Variants in SLC24A2 observed in about 807,000 individuals in gnomAD.
SLC24A2 encodes the protein sodium/potassium/calcium exchanger 2.
SLC24A2 carries 36 observed loss-of-function variants against 62.0 expected under a neutral mutation model. The ratio of observed to expected loss-of-function variants is 0.58; its 90% CI spans 0.44 to 0.77. The LOEUF (loss-of-function observed/expected upper bound fraction) is 0.77. SLC24A2 is among the 30% of genes least tolerant of loss of function. The pLI, the probability that SLC24A2 is intolerant of heterozygous loss-of-function variation, is 0.00. For synonymous variants in SLC24A2, 358 were observed against 294.0 expected (o/e 1.22, Z -2.23); for missense variants, 846 against 817.9 (o/e 1.03, Z -0.42).
the SLC24A2 span, among the ~76,000 whole-genome samples, chr9:20,268,004 G>A: frequency 2.9e-3 from 443 of 152,200 alleles, 4 homozygotes; most frequent in African/African-American, 0.01. Flanking sequence ...CCACCGTGAT[G>A]TTTCATGCAC....
intron 2 of SLC24A2, among the ~76,000 whole-genome samples, chr9:19,631,354 C>T (rs187565408): frequency 6.6e-6 from 1 of 152,244 alleles, no homozygotes; most frequent in African/African-American, 2.4e-5. Flanking sequence ...TCAGTCTCCT[C>T]CCAGGTATCT....
the SLC24A2 span, among the ~76,000 whole-genome samples, chr9:20,280,375 G>C: frequency 2.0e-5 from 3 of 152,162 alleles, no homozygotes; most frequent in African/African-American, 2.4e-5. Flanking sequence ...GATTGAAGCA[G>C]CTTCCATCTG....
rs373801727 is a variant in SLC24A2, at chr9:19,555,598, A to G, written c.1348-5330T>C. Among the ~76,000 whole-genome samples the G allele has an allele frequency of 1.1e-4, 16 of 152,364 alleles. No homozygotes were observed. The East Asian group carries it at 2.1e-3, about 20-fold the overall frequency. On this transcript the variant is annotated intron_variant, in intron 7 of 10. Coordinates refer to ENST00000341998, the MANE Select transcript of SLC24A2 (RefSeq NM_020344.4). Reference sequence around the variant, plus strand: ...AGGTGAGGCAGGCGTAAATAAAAAAAGTAACATTCTTCAGTGGTGTAATAG... The same window carrying G: ...AGGTGAGGCAGGCGTAAATAAAAAAGGTAACATTCTTCAGTGGTGTAATAG...
the SLC24A2 span, among the ~76,000 whole-genome samples, chr9:20,189,148 T>C: frequency 8.6e-5 from 13 of 150,882 alleles, no homozygotes; most frequent in South Asian, 1.1e-3. Context: ...CTTCGGGATG[T>C]TGGTTGGGAA....
chr9:20,034,940 T>C, the SLC24A2 span, among the ~76,000 whole-genome samples: 10 of 152,178 alleles, frequency 6.6e-5, no homozygotes, highest in African/African-American at 2.4e-4. Context: ...ATTTCCTCTA[T>C]AGGAATGTCA....
At chr9:20,087,482 A>G in the SLC24A2 span, among the ~76,000 whole-genome samples, 1 of 152,312 alleles carries the variant, frequency 6.6e-6, no homozygotes, top group East Asian at 1.9e-4. Context: ...CTCAAGAAAT[A>G]ATTTGTGTAA....
intron 2 of SLC24A2, among the ~76,000 whole-genome samples, chr9:19,759,975 T>C (rs1046031617): frequency 6.6e-6 from 1 of 152,220 alleles, no homozygotes; most frequent in Non-Finnish European, 1.5e-5. Flanking sequence ...GCAGTACAGA[T>C]TTTGGTAATT....
chr9:20,230,223 T>A, the SLC24A2 span, among the ~76,000 whole-genome samples: 2 of 152,094 alleles, frequency 1.3e-5, no homozygotes, highest in Non-Finnish European at 2.9e-5. Flanking sequence ...TAGCACCATG[T>A]TTTATAATCC....
At chr9:19,666,212 G>A (rs957464960) in intron 2 of SLC24A2, among the ~76,000 whole-genome samples, 5 of 151,942 alleles carry the variant, frequency 3.3e-5, no homozygotes, top group African/African-American at 9.7e-5. Context: ...TGAGATCAGC[G>A]TGGGCAACAT....
the SLC24A2 span, among the ~76,000 whole-genome samples, chr9:20,144,493 G>A: frequency 1.3e-5 from 2 of 152,092 alleles, no homozygotes; most frequent in Non-Finnish European, 2.9e-5. Flanking sequence ...TTAGACTCCC[G>A]TAAAGCCTCT....
the SLC24A2 span, among the ~76,000 whole-genome samples, chr9:20,010,708 C>T: frequency 3.9e-3 from 587 of 151,836 alleles, 5 homozygotes; most frequent in African/African-American, 0.013. Flanking sequence ...GTGCTGCACG[C>T]GTTAACTCGT....
the SLC24A2 span, among the ~76,000 whole-genome samples, chr9:20,123,992 G>T: frequency 1.3e-5 from 2 of 152,028 alleles, no homozygotes; most frequent in African/African-American, 4.8e-5. Flanking sequence ...TGATTATTAG[G>T]CTTAAAATAC....
At chr9:19,740,335 A>C (rs553626565) in intron 2 of SLC24A2, among the ~76,000 whole-genome samples, 1 of 152,360 alleles carries the variant, frequency 6.6e-6, no homozygotes, top group South Asian at 2.1e-4. Context: ...CCAATTGTAC[A>C]TCAATGGTAG....
intron 7 of SLC24A2, among the ~76,000 whole-genome samples, chr9:19,554,606 A>C (rs1442690122): frequency 1.3e-5 from 2 of 152,182 alleles, no homozygotes; most frequent in Non-Finnish European, 2.9e-5. Flanking sequence ...CCTTCTCGGC[A>C]AGGTGTGGCA....
At chr9:20,232,571 C>T in the SLC24A2 span, among the ~76,000 whole-genome samples, 38 of 152,240 alleles carry the variant, frequency 2.5e-4, no homozygotes, top group South Asian at 2.9e-3. Flanking sequence ...TCTGTGGGAT[C>T]GGTAGTGATA....
the SLC24A2 span, among the ~76,000 whole-genome samples, chr9:20,135,475 G>A: frequency 1.3e-5 from 2 of 151,966 alleles, no homozygotes; most frequent in African/African-American, 4.8e-5. Context: ...TTAGCTTATC[G>A]TGGGGTAAGT....
the SLC24A2 span, among the ~76,000 whole-genome samples, chr9:20,306,764 T>G: frequency 0.064 from 9,730 of 152,274 alleles, 998 homozygotes; most frequent in African/African-American, 0.22. Context: ...TGGCGTGATC[T>G]TGGTCCACTG....
At chr9:20,284,209 A>G in the SLC24A2 span, among the ~76,000 whole-genome samples, 2 of 152,140 alleles carry the variant, frequency 1.3e-5, no homozygotes, top group Non-Finnish European at 2.9e-5. Context: ...TGATCCCTTT[A>G]TAAGTCAAAA....
chr9:20,101,057 T>A, the SLC24A2 span, among the ~76,000 whole-genome samples: 5 of 152,252 alleles, frequency 3.3e-5, no homozygotes, highest in East Asian at 5.8e-4. Context: ...CCCCCACATC[T>A]TTCTGGTGAT....
Sources: gnomAD v4.1 joint callset for allele counts (sites outside exome capture counted in the v4.1 genomes callset) on GRCh38, gnomAD v4.1.1 for gene constraint, MANE v1.5 for transcripts, NCBI Gene and HGNC (gene_info 2026-07-23, HGNC 2026-07-21) for gene names.